ACYP1: variants seen among roughly 807,000 people sequenced by gnomAD.
The protein encoded by ACYP1 is acylphosphatase-1.
Under a neutral mutation model 10.4 loss-of-function variants are expected in ACYP1, and 8 were observed. The observed-to-expected ratio is 0.77, with a 90% CI of 0.45 to 1.38. The LOEUF is 1.38. ACYP1 is among the 40% of genes most tolerant of loss of function. The probability of loss-of-function intolerance (pLI) is 0.00; values close to 1 mark genes in which losing one functional copy is unlikely to be tolerated. For synonymous variants in ACYP1, 38 were observed against 40.8 expected (o/e 0.93, Z 0.26); for missense variants, 93 against 117.3 (o/e 0.79, Z 0.96).
rs752254856 is a variant in ACYP1 at position 75,063,544 on chromosome 14, C to T, written c.10G>A (p.Gly4Arg). Residue 4 changes from glycine (G) to arginine (R), a missense_variant, in exon 2 of 3, where the codon GGA becomes AGA. Coordinates refer to ENST00000238618, the MANE Select transcript of ACYP1 (RefSeq NM_001107.5). Reference sequence around the variant, plus strand: ...TAATCCACTGATATCAGGGTGTTTCCTTCTGCCATGCTCAAACCTGTCAGA... The same window carrying T: ...TAATCCACTGATATCAGGGTGTTTCTTTCTGCCATGCTCAAACCTGTCAGA... MAEGNTLISVDYEI... is the reference protein window; with the variant it reads MAERNTLISVDYEI... 1.2e-6 allele frequency: 2 copies of T among 1,613,452 alleles called. No homozygotes were observed. The highest frequency in any genetic ancestry group is 2.7e-5 in the African/African-American group (2 of 74,888).
In ACYP1 at chr14:75,057,428, T is replaced by C. The variant is rs185477110; in HGVS notation, c.85-3769A>G. On this transcript the variant is annotated intron_variant, in intron 2 of 2. Transcript: ENST00000238618. ...TTGTTAAGATGATATTACTACCCAATTGATCTACAGATTCAACTCAATCTC... is the reference window on the plus strand; with the variant it reads ...TTGTTAAGATGATATTACTACCCAACTGATCTACAGATTCAACTCAATCTC... Among the ~76,000 whole-genome samples, 49 of 151,654 alleles carry C rather than the reference T, an allele frequency of 3.2e-4. 2 individuals are homozygous for C. The highest frequency in any genetic ancestry group is 1.0e-3 in the African/African-American group (43 of 41,074).
intron 2 of ACYP1, among the ~76,000 whole-genome samples, chr14:75,055,086 T>C (rs1434113271): frequency 1.5e-5 from 2 of 132,592 alleles, no homozygotes; most frequent in African/African-American, 6.0e-5. Context: ...ACTCTTTTTT[T>C]TTTTTTTTTT....
At chr14:75,065,034 A>G (rs537416661), upstream of ACYP1, among the ~76,000 whole-genome samples, 1 of 152,346 alleles carries the variant, frequency 6.6e-6, no homozygotes, top group Non-Finnish European at 1.5e-5. Flanking sequence ...ATGGCTCCAG[A>G]ATTACAGTTG....
chr14:75,067,868 A>G (rs1452823915), upstream of ACYP1, among the ~76,000 whole-genome samples: 1 of 150,902 alleles, frequency 6.6e-6, no homozygotes, highest in Non-Finnish European at 1.5e-5. Flanking sequence ...TGTGGGGGGC[A>G]CACACCTGTA....
At chr14:75,056,189 T>TA (rs1172803462) in intron 2 of ACYP1, among the ~76,000 whole-genome samples, 4 of 150,300 alleles carry the variant, frequency 2.7e-5, no homozygotes, top group South Asian at 2.1e-4. Flanking sequence ...ACCAAATGTT[T>TA]AAAAAAAAAT....
chr14:75,061,883 CCT>C, intron 2 of ACYP1: 1 of 549,580 alleles, frequency 1.8e-6, no homozygotes, highest in Non-Finnish European at 3.0e-6. Context: ...GGGCGGATCA[CCT>C]GAGGTTGGGA....
chr14:75,060,253 C>G (rs1192416392), intron 2 of ACYP1: 2 of 690,866 alleles, frequency 2.9e-6, no homozygotes, highest in African/African-American at 3.5e-5. Flanking sequence ...CTTTTAAATT[C>G]ATTAATACCT....
chr14:75,067,607 G>A (rs907424300), upstream of ACYP1, among the ~76,000 whole-genome samples: 4 of 152,154 alleles, frequency 2.6e-5, no homozygotes, highest in African/African-American at 4.8e-5. Context: ...TGAAAGTTAG[G>A]TCAAGGGAAG....
intron 2 of ACYP1, among the ~76,000 whole-genome samples, chr14:75,061,246 A>C (rs907137300): frequency 6.6e-6 from 1 of 152,208 alleles, no homozygotes; most frequent in Non-Finnish European, 1.5e-5. Flanking sequence ...CATTTTGTGA[A>C]TATACTAAAA....
chr14:75,053,711 T>TAA (rs1360936072), intron 2 of ACYP1, 52 bp from the exon 3 acceptor site: 4 of 1,536,762 alleles, frequency 2.6e-6, no homozygotes, highest in Admixed American at 1.7e-5. Flanking sequence ...GAAAACAAGG[T>TAA]AAGACTACAA....
chr14:75,054,782 G>C (rs775368400), intron 2 of ACYP1, among the ~76,000 whole-genome samples: 4 of 151,522 alleles, frequency 2.6e-5, no homozygotes, highest in Non-Finnish European at 5.9e-5. Context: ...GGATACAAAG[G>C]AAATTAAGGA....
chr14:75,069,141 C>G, intron 1 of ACYP1: 1 of 1,430,998 alleles, frequency 7.0e-7, no homozygotes, highest in Non-Finnish European at 9.3e-7. Context: ...TACTGCGTAG[C>G]AAAAACGTTG....
intron 2 of ACYP1, among the ~76,000 whole-genome samples, chr14:75,059,428 G>A (rs1035007452): frequency 6.6e-6 from 1 of 152,002 alleles, no homozygotes; most frequent in Non-Finnish European, 1.5e-5. Flanking sequence ...AAAAGTGCAA[G>A]CAAAAAAAGA....
intron 2 of ACYP1, among the ~76,000 whole-genome samples, chr14:75,057,069 C>G (rs903901416): frequency 1.3e-5 from 2 of 151,620 alleles, no homozygotes; most frequent in Non-Finnish European, 2.9e-5. Context: ...AGAACTACCT[C>G]TATTTGTAGA....
At chr14:75,060,940 G>A (rs1299654033) in intron 2 of ACYP1, among the ~76,000 whole-genome samples, 2 of 152,094 alleles carry the variant, frequency 1.3e-5, no homozygotes, top group Non-Finnish European at 2.9e-5. Flanking sequence ...GGTGGTGCAT[G>A]CCTGTAATCC....
intron 2 of ACYP1, among the ~76,000 whole-genome samples, chr14:75,055,906 A>C (rs1320176786): frequency 6.6e-6 from 1 of 151,586 alleles, no homozygotes; most frequent in Non-Finnish European, 1.5e-5. Context: ...GAAAGCCTCA[A>C]ATTACTAAAA....
At chr14:75,065,677 T>C (rs1196814148), upstream of ACYP1, among the ~76,000 whole-genome samples, 1 of 152,176 alleles carries the variant, frequency 6.6e-6, no homozygotes, top group African/African-American at 2.4e-5. Context: ...ATAAAATATA[T>C]GGCATGATAA....
upstream of ACYP1, among the ~76,000 whole-genome samples, chr14:75,065,454 C>T (rs1458588747): frequency 2.0e-5 from 3 of 152,082 alleles, no homozygotes; most frequent in African/African-American, 7.2e-5. Flanking sequence ...TTGTACTTGG[C>T]AATATTTGAA....
rs746731117 is a variant in ACYP1, at chr14:75,053,455, T to A, written c.289A>T (p.Ile97Phe). 3 of 1,614,076 alleles carry A rather than the reference T, an allele frequency of 1.9e-6. No individual in the cohort carries two copies. The highest frequency in any genetic ancestry group is 2.5e-6 in the Non-Finnish European group (3 of 1,180,010). ...ILKLDYSDFQ[I>F]VK Reference sequence around the variant, plus strand: ...TTAAATTCAGGCCATTATTTTACAATTTGGAAGTCTGAGTAATCCAACTTC... The same window carrying A: ...TTAAATTCAGGCCATTATTTTACAAATTGGAAGTCTGAGTAATCCAACTTC... Residue 97 changes from isoleucine (I) to phenylalanine (F), a missense_variant, in exon 3 of 3, where the codon ATT (isoleucine) becomes TTT (phenylalanine). Physicochemically the swap from Ile to Phe is conservative, Grantham distance 21 (BLOSUM62 0). Coordinates refer to ENST00000238618, the MANE Select transcript of ACYP1 (RefSeq NM_001107.5).
Sources: allele counts gnomAD v4.1 joint callset (sites outside exome capture counted in the v4.1 genomes callset), GRCh38; gene constraint gnomAD v4.1.1; transcripts MANE v1.5; gene names NCBI Gene and HGNC (gene_info 2026-07-23, HGNC 2026-07-21).